The following TEF variants were observed in gnomAD, a reference collection of about 807,000 sequenced individuals.
TEF encodes the protein TEF transcription factor, PAR bZIP family member.
A neutral mutation model predicts 20.8 loss-of-function variants in TEF; 3 were observed. That is an observed-to-expected ratio of 0.14 (90% confidence interval 0.07 to 0.37). TEF has a LOEUF of 0.37. Among genes scored for constraint, TEF ranks in the 10% least tolerant of loss-of-function variants. The probability of loss-of-function intolerance (pLI) is 1.00; values close to 1 mark genes in which losing one functional copy is unlikely to be tolerated. For synonymous variants in TEF, 180 were observed against 171.1 expected (o/e 1.05, Z -0.41); for missense variants, 296 against 397.9 (o/e 0.74, Z 2.18).
At position 41,397,260 on chromosome 22, in the gene TEF, G is replaced by T. The variant is rs1465362664; in HGVS notation, c.*1300G>T. 1 of 397,494 alleles carries T rather than the reference G, an allele frequency of 2.5e-6. No homozygotes were observed. The highest frequency in any genetic ancestry group is 2.1e-5 in the African/African-American group (1 of 48,642). 24.6% of individuals were successfully genotyped at this position (397,494 alleles called of 1,614,324 possible). A position where few individuals can be genotyped will look rare whatever the true frequency, so the allele number is the denominator to read the frequency against. On this transcript the variant is annotated 3_prime_UTR_variant, in exon 4 of 4. Coordinates refer to ENST00000266304, the MANE Select transcript of TEF (RefSeq NM_003216.4). ...GCTGGCCATGCTGTGGCTTCTCACA[G>T]CTGTGGTCTCCCCTGCCTCACAACG...
At chr22:41,369,961 C>G (rs541313950) in intron 1 of TEF, 5 of 985,390 alleles carry the variant, frequency 5.1e-6, no homozygotes, top group South Asian at 4.7e-5. Context: ...GGCTGTGCTT[C>G]GGCACACATT....
intron 2 of TEF, among the ~76,000 whole-genome samples, chr22:41,389,959 G>GC (rs2037146684): frequency 6.6e-6 from 1 of 151,844 alleles, no homozygotes; most frequent in Non-Finnish European, 1.5e-5. Flanking sequence ...GAGTGCAGTG[G>GC]CGGGGTCTCA....
upstream of TEF, among the ~76,000 whole-genome samples, chr22:41,377,016 G>T (rs1464118551): frequency 2.6e-5 from 4 of 152,062 alleles, no homozygotes; most frequent in Admixed American, 2.6e-4. Context: ...TGGTTTTTTG[G>T]AGACAGGGTC....
intron 2 of TEF, among the ~76,000 whole-genome samples, chr22:41,388,990 A>G (rs995694150): frequency 6.6e-6 from 1 of 152,192 alleles, no homozygotes; most frequent in South Asian, 2.1e-4. Context: ...TAAGTATTTC[A>G]ATATGTATCT....
At chr22:41,370,039 G>T (rs1047114503) in intron 1 of TEF, 1 of 985,386 alleles carries the variant, frequency 1.0e-6, no homozygotes, top group Non-Finnish European at 1.2e-6. Flanking sequence ...TGCGGAGTGT[G>T]AGAAACTCCA....
At chr22:41,389,658 T>G (rs1416077959) in intron 2 of TEF, among the ~76,000 whole-genome samples, 1 of 150,268 alleles carries the variant, frequency 6.7e-6, no homozygotes, top group Non-Finnish European at 1.5e-5. Context: ...TTCTGTAGAG[T>G]CAGGGTATCA....
chr22:41,383,739 C>T (rs1233908068), intron 1 of TEF, among the ~76,000 whole-genome samples: 1 of 152,192 alleles, frequency 6.6e-6, no homozygotes, highest in Admixed American at 6.5e-5. Context: ...TTAAAGTATC[C>T]TTTATTGCTT....
chr22:41,385,297 T>C (rs932202856), intron 1 of TEF, among the ~76,000 whole-genome samples: 25 of 151,818 alleles, frequency 1.6e-4, no homozygotes, highest in Non-Finnish European at 4.4e-5. Flanking sequence ...GAGGCGAAGG[T>C]TGTGGTGAGC....
At chr22:41,378,644 A>G (rs1296276357), upstream of TEF, among the ~76,000 whole-genome samples, 2 of 151,012 alleles carry the variant, frequency 1.3e-5, no homozygotes, top group African/African-American at 2.4e-5. Context: ...GTGCCCGGCT[A>G]TATTCTTAAT....
upstream of TEF, chr22:41,381,896 G>A: frequency 4.1e-6 from 5 of 1,226,162 alleles, no homozygotes; most frequent in Non-Finnish European, 4.1e-6. Flanking sequence ...CCGGTCCGCA[G>A]GCGGGGTAGC....
chr22:41,382,686 C>G (rs1209349810), intron 1 of TEF, among the ~76,000 whole-genome samples: 1 of 152,110 alleles, frequency 6.6e-6, no homozygotes, highest in Admixed American at 6.5e-5. Context: ...TGGCCTTACC[C>G]CTCCCGGAGG....
chr22:41,382,341 C>T, intron 1 of TEF, 140 bp downstream of exon 1: 1 of 775,824 alleles, frequency 1.3e-6, no homozygotes, highest in Non-Finnish European at 1.8e-6. Flanking sequence ...TGACCAGGAG[C>T]CTGGAGGACG....
In TEF at chr22:41,398,042, T is replaced by C. The variant is rs2037250957; in HGVS notation, c.*2082T>C. 6.6e-6 allele frequency: 1 copy of C among 152,092 alleles called. No individual in the cohort carries two copies. The highest frequency in any genetic ancestry group is 1.5e-5 in the Non-Finnish European group (1 of 68,014). The allele number at this position is 152,092 out of a possible 1,614,324, so 9.4% of individuals were successfully genotyped here. A position where few individuals can be genotyped will look rare whatever the true frequency, so the allele number is the denominator to read the frequency against. The stretch of plus-strand genomic sequence containing the variant: ...TGCCTGTTTGGTGCCCTCCCTTCTT[T>C]CCCCCAGGCAGTGGGTATCGGGTTC... On this transcript the variant is annotated 3_prime_UTR_variant, in exon 4 of 4. Coordinates refer to ENST00000266304, the MANE Select transcript of TEF (RefSeq NM_003216.4).
intron 2 of TEF, among the ~76,000 whole-genome samples, chr22:41,392,380 A>C (rs542140611): frequency 6.6e-6 from 1 of 152,176 alleles, no homozygotes; most frequent in Non-Finnish European, 1.5e-5. Flanking sequence ...ACTAGTTGTC[A>C]TAAGACTAAA....
intron 2 of TEF, among the ~76,000 whole-genome samples, chr22:41,390,565 C>T (rs938979589): frequency 2.3e-5 from 3 of 132,904 alleles, no homozygotes; most frequent in South Asian, 2.3e-4. Context: ...TGCAGTGGTG[C>T]GATCTCGGCT....
intron 1 of TEF, among the ~76,000 whole-genome samples, chr22:41,373,626 C>A (rs377512734): frequency 6.6e-6 from 1 of 151,982 alleles, no homozygotes; most frequent in Non-Finnish European, 1.5e-5. Flanking sequence ...CCCACCACCA[C>A]GCCCAGATAA....
At position 41,396,141 on chromosome 22, in the gene TEF, C is replaced by T. The variant is rs947995536; in HGVS notation, c.*181C>T. ...CATGGCCTGCGCACGTGGCGACGTC[C>T]CTGAGGGGCCAGTCTCCTCACTGGT... On this transcript the variant is annotated 3_prime_UTR_variant, in exon 4 of 4. Transcript: ENST00000266304. The T allele has an allele frequency of 4.8e-6, 3 of 625,410 alleles. No individual in the cohort carries two copies. Among genetic ancestry groups the T allele is most frequent in the South Asian group, 4.0e-5 (2 of 49,398 alleles). 38.7% of individuals were successfully genotyped at this position (625,410 alleles called of 1,614,324 possible). A position where few individuals can be genotyped will look rare whatever the true frequency, so the allele number is the denominator to read the frequency against.
chr22:41,377,294 T>C (rs889793070), upstream of TEF: 5 of 152,230 alleles, frequency 3.3e-5, no homozygotes, highest in East Asian at 1.9e-4. Flanking sequence ...ATCAGGCTAA[T>C]TGTTTACTGT....
chr22:41,387,724 C>T, intron 2 of TEF, 56 bp downstream of exon 2: 9 of 1,512,150 alleles, frequency 6.0e-6, no homozygotes, highest in Non-Finnish European at 8.1e-6. Context: ...AGTCCATTTC[C>T]CACTGAGGGC....
Sources: allele counts gnomAD v4.1 joint callset (sites outside exome capture counted in the v4.1 genomes callset), GRCh38; gene constraint gnomAD v4.1.1; transcripts MANE v1.5; gene names NCBI Gene and HGNC (gene_info 2026-07-23, HGNC 2026-07-21).